The following RYR3 variants were observed in gnomAD, a reference collection of about 807,000 sequenced individuals.
RYR3 encodes brain ryanodine receptor-calcium release channel.
RYR3 carries 207 observed loss-of-function variants against 584.3 expected under a neutral mutation model. That is an observed-to-expected ratio of 0.35 (90% CI 0.32 to 0.40). The LOEUF is 0.40. RYR3 is among the 10% of genes least tolerant of loss of function. The probability of loss-of-function intolerance (pLI) is 1.00; values close to 1 mark genes in which losing one functional copy is unlikely to be tolerated. For synonymous variants in RYR3, 2,416 were observed against 2,248.5 expected (o/e 1.07, Z -2.11); for missense variants, 5,616 against 6,089.2 (o/e 0.92, Z 2.59).
At chr15:33,609,419 G>A (rs1411786897) in intron 18 of RYR3, among the ~76,000 whole-genome samples, 5 of 152,148 alleles carry the variant, frequency 3.3e-5, no homozygotes, top group Non-Finnish European at 7.3e-5. Context: ...ACTTTGGGAG[G>A]CCGAGGTGGG....
intron 40 of RYR3, among the ~76,000 whole-genome samples, chr15:33,698,700 C>T (rs2066045144): frequency 6.6e-6 from 1 of 152,122 alleles, no homozygotes; most frequent in Non-Finnish European, 1.5e-5. Flanking sequence ...GTAGAAGGAA[C>T]AGAAGCCAGG....
intron 100 of RYR3, among the ~76,000 whole-genome samples, chr15:33,860,033 C>T (rs1015495375): frequency 3.3e-5 from 5 of 152,138 alleles, no homozygotes; most frequent in African/African-American, 1.2e-4. Flanking sequence ...CTAGTCTTGT[C>T]CTCTTCATTT....
At chr15:33,507,589 A>G (rs1370554652) in intron 3 of RYR3, among the ~76,000 whole-genome samples, 2 of 152,218 alleles carry the variant, frequency 1.3e-5, no homozygotes, top group African/African-American at 4.8e-5. Context: ...TTAGACCTAC[A>G]GTGTCTACCA....
chr15:33,398,695 A>C (rs1039389833), intron 1 of RYR3, among the ~76,000 whole-genome samples: 2 of 152,188 alleles, frequency 1.3e-5, no homozygotes, highest in African/African-American at 4.8e-5. Context: ...GAGTGGTGTC[A>C]TGTGGTTAGG....
chr15:33,812,741 A>G, intron 72 of RYR3, 122 bp from the exon 73 acceptor site: 3 of 882,980 alleles, frequency 3.4e-6, no homozygotes, highest in Non-Finnish European at 5.1e-6. Flanking sequence ...TGAGAAAATG[A>G]AAGTGAAGTG....
intron 1 of RYR3, among the ~76,000 whole-genome samples, chr15:33,438,032 A>G (rs2045884326): frequency 2.0e-5 from 3 of 152,150 alleles, no homozygotes; most frequent in Admixed American, 2.0e-4. Context: ...ATTGTGTATT[A>G]TTGTATTTCT....
intron 1 of RYR3, among the ~76,000 whole-genome samples, chr15:33,397,813 T>G (rs2141340857): frequency 6.6e-6 from 1 of 152,302 alleles, no homozygotes; most frequent in Middle Eastern, 3.4e-3. Flanking sequence ...TCTGTCAGTC[T>G]TACGATCTCT....
intron 58 of RYR3, among the ~76,000 whole-genome samples, chr15:33,755,549 G>A (rs1426904093): frequency 1.3e-5 from 2 of 152,148 alleles, no homozygotes; most frequent in Non-Finnish European, 2.9e-5. Flanking sequence ...TTGAACCTGG[G>A]AGGCAGAGGT....
At chr15:33,738,367 C>T in intron 49 of RYR3, 83 bp from the exon 50 acceptor site, 1 of 1,389,522 alleles carries the variant, frequency 7.2e-7, no homozygotes, top group Non-Finnish European at 9.8e-7. Flanking sequence ...CTGCTTACTA[C>T]TTGATTCTCT....
At chr15:33,411,433 A>C (rs1342834843) in intron 1 of RYR3, among the ~76,000 whole-genome samples, 1 of 152,166 alleles carries the variant, frequency 6.6e-6, no homozygotes, top group Non-Finnish European at 1.5e-5. Flanking sequence ...CGTTCTTTTC[A>C]TATTTACATG....
chr15:33,843,546 C>G lies in RYR3; in HGVS notation c.13268C>G (p.Ala4423Gly), dbSNP rs772654275. ...TTCCTTGCTCTGTTTGTAGCCTTCG[C>G]TATCAACTTCATCCTGCTTTTTTAT... is the stretch of plus-strand genomic sequence containing the variant. ...LRFLALFVAF[A>G]INFILLFYKV... is the part of the protein sequence containing the mutation. Residue 4423 changes from alanine to glycine, a missense_variant, in exon 92 of 104, where the codon GCT (alanine) becomes GGT (glycine). By Grantham distance (60) the Ala-to-Gly change is moderately conservative. This residue lies in a region of RYR3 where 918 missense variants were observed against 887.4 expected (regional missense o/e 1.03). Transcript: ENST00000634891. The G allele has an allele frequency of 1.3e-6, 2 of 1,598,872 alleles. No homozygotes were observed. The highest frequency in any genetic ancestry group is 2.3e-5 in the South Asian group (2 of 88,410).
intron 55 of RYR3, among the ~76,000 whole-genome samples, chr15:33,749,398 G>A (rs2071056182): frequency 6.6e-6 from 1 of 152,134 alleles, no homozygotes; most frequent in Non-Finnish European, 1.5e-5. Flanking sequence ...GCCTGCCCTA[G>A]CCTGGAGCAC....
intron 97 of RYR3, 63 bp downstream of exon 97, chr15:33,854,512 A>T (rs2079438835): frequency 4.4e-6 from 6 of 1,370,614 alleles, no homozygotes; most frequent in Non-Finnish European, 6.0e-6. Context: ...ACAGAGAAGC[A>T]AGCTATGCAG....
intron 1 of RYR3, among the ~76,000 whole-genome samples, chr15:33,369,142 A>G (rs912070970): frequency 6.7e-6 from 1 of 149,352 alleles, no homozygotes; most frequent in Non-Finnish European, 1.5e-5. Flanking sequence ...GCAGAGAAGG[A>G]AACTGAATCA....
chr15:33,548,033 A>G, intron 8 of RYR3, 97 bp from the exon 9 acceptor site: 3 of 802,824 alleles, frequency 3.7e-6, no homozygotes, highest in Non-Finnish European at 4.2e-6. Flanking sequence ...GGCTTAGACA[A>G]GCTCAGTACC....
In RYR3 at chr15:33,750,031, A is replaced by G. The variant is rs2071126084; in HGVS notation, c.8252A>G (p.Lys2751Arg). 2 of 1,612,294 alleles carry G rather than the reference A, an allele frequency of 1.2e-6. No individual in the cohort carries two copies. Among genetic ancestry groups the G allele is most frequent in the South Asian group, 1.1e-5 (1 of 90,398 alleles). The change falls in exon 56 of 104, where the codon AAG (lysine) becomes AGG (arginine). Residue 2751 changes from lysine to arginine, a missense_variant. Around this residue, in one of 9 missense-constraint regions of RYR3, gnomAD observed 1,280 missense variants for 1,426.2 expected, o/e 0.90. Transcript: ENST00000634891. ...ENYHNIWAKK[K>R]KLELESKGGG... ...TATCACAATATCTGGGCCAAGAAGA[A>G]GAAGCTGGAGCTGGAGAGCAAAGGT...
rs1425628516 is a variant in RYR3, at chr15:33,623,896, A to C, written c.2447A>C (p.Lys816Thr). Residue 816 changes from lysine (K) to threonine (T), a missense_variant, in exon 20 of 104, where the codon AAA becomes ACA. Physicochemically the swap from Lys to Thr is moderately conservative, Grantham distance 78. Transcript: ENST00000634891. Reference protein sequence around the residue: ...YAPCYEALLPKEKMRLEPVKE... With the variant: ...YAPCYEALLPTEKMRLEPVKE... ...CCTTGCTATGAAGCCTTACTTCCAA[A>C]AGAGAAGATGAGATTGGAGCCTGTC... is the stretch of plus-strand genomic sequence containing the variant. 1 of 1,613,890 alleles carries C rather than the reference A, an allele frequency of 6.2e-7. No homozygotes were observed.
intron 12 of RYR3, among the ~76,000 whole-genome samples, chr15:33,572,970 G>A (rs11633042): frequency 0.63 from 95,283 of 151,812 alleles, 31,549 homozygotes; most frequent in Middle Eastern, 0.75. Flanking sequence ...GCGAAATTCT[G>A]TCTCAAAAAA....
chr15:33,634,726 A>G lies in RYR3; in HGVS notation c.3168A>G (p.Gln1056=). 6.2e-6 allele frequency: 10 copies of G among 1,613,954 alleles called. No homozygotes were observed. The highest frequency in any genetic ancestry group is 6.8e-6 in the Non-Finnish European group (8 of 1,179,818). The change falls in exon 25 of 104, where the codon CAA becomes CAG. Residue 1056 remains glutamine (Q), a synonymous_variant. Coordinates refer to ENST00000634891, the MANE Select transcript of RYR3 (RefSeq NM_001036.6). ...GGTATAACATTGAGCCATCAGACCA[A>G]GAACTAGGTAATGAGTTGAGAGTGT... The part of the protein sequence containing the change: ...GYGYNIEPSD[Q]ELADSAVEKV...
Sources: gnomAD v4.1 joint callset for allele counts (sites outside exome capture counted in the v4.1 genomes callset) on GRCh38, gnomAD v4.1.1 for gene constraint, gnomAD v4.1.1 regional missense constraint, MANE v1.5 for transcripts, NCBI Gene and HGNC (gene_info 2026-07-23, HGNC 2026-07-21) for gene names.